Variants in TEX11 observed in about 807,000 individuals in gnomAD.
TEX11 encodes the protein testis expressed 11.
A neutral mutation model predicts 84.4 loss-of-function variants in TEX11; 7 were observed. The observed-to-expected ratio is 0.08, with a 90% confidence interval of 0.05 to 0.16. TEX11 has a LOEUF of 0.16. Among genes scored for constraint, TEX11 ranks in the 10% least tolerant of loss-of-function variants. The pLI is 1.00. For synonymous variants in TEX11, 264 were observed against 222.8 expected, an observed-to-expected ratio of 1.18 and a Z score of -1.64; for missense variants, 551 against 660.5, an observed-to-expected ratio of 0.83 and a Z score of 1.82.
the TEX11 span, among the ~76,000 whole-genome samples, chrX:70,511,555 C>T: frequency 9.4e-6 from 1 of 106,931 alleles, no homozygotes; most frequent in African/African-American, 3.5e-5. Flanking sequence ...AAGTTCGAGA[C>T]CAAATTGGCC....
intron 9 of TEX11, among the ~76,000 whole-genome samples, chrX:70,792,525 G>GA (rs1178905372): frequency 7.1e-5 from 7 of 98,290 alleles, no homozygotes; most frequent in Admixed American, 2.3e-4. Flanking sequence ...GCTAACAAAA[G>GA]AAAAAAAAAT....
intron 4 of TEX11, among the ~76,000 whole-genome samples, chrX:70,870,397 G>A (rs1044607776): frequency 2.7e-5 from 3 of 110,979 alleles, no homozygotes; most frequent in Admixed American, 9.6e-5. Flanking sequence ...GTGCAGTGGC[G>A]CAATCTCGGC....
chrX:70,884,883 C>T (rs1017780101), intron 2 of TEX11, among the ~76,000 whole-genome samples: 7 of 110,893 alleles, frequency 6.3e-5, no homozygotes, highest in African/African-American at 2.0e-4. Flanking sequence ...AGCTCCAGCT[C>T]TCTGCTTCCT....
At chrX:70,719,122 A>C (rs927545141) in intron 13 of TEX11, among the ~76,000 whole-genome samples, 13 of 112,187 alleles carry the variant, frequency 1.2e-4, no homozygotes, top group Admixed American at 2.8e-4. Context: ...CATCCAAAAA[A>C]AGCAATAATC....
At chrX:70,835,120 T>C (rs73213087) in intron 7 of TEX11, among the ~76,000 whole-genome samples, 7,733 of 111,249 alleles carry the variant, frequency 0.07, 223 homozygotes, top group East Asian at 0.12. Flanking sequence ...ATAATATTCC[T>C]GTCTACACTA....
At chrX:70,771,536 G>GA (rs947983107) in intron 9 of TEX11, among the ~76,000 whole-genome samples, 1 of 109,574 alleles carries the variant, frequency 9.1e-6, no homozygotes, top group Non-Finnish European at 1.9e-5. Flanking sequence ...AATCTATTTT[G>GA]AAAAAAACTT....
At chrX:70,903,427 A>C (rs2091813811) in intron 2 of TEX11, among the ~76,000 whole-genome samples, 2 of 110,960 alleles carry the variant, frequency 1.8e-5, no homozygotes, top group Non-Finnish European at 3.8e-5. Context: ...CAGCTCTGAC[A>C]TCACTAGGGG....
intron 20 of TEX11, among the ~76,000 whole-genome samples, chrX:70,614,141 CCTT>C (rs2089293106): frequency 9.0e-6 from 1 of 111,225 alleles, no homozygotes; most frequent in African/African-American, 3.3e-5. Context: ...GTGAGAGACT[CCTT>C]CTGCTTGAGA....
At chrX:70,676,802 A>T (rs1010906191) in intron 15 of TEX11, among the ~76,000 whole-genome samples, 1 of 111,814 alleles carries the variant, frequency 8.9e-6, no homozygotes, top group Non-Finnish European at 1.9e-5. Flanking sequence ...CATTTTCAAT[A>T]GCTTCTTTGC....
chrX:70,804,913 A>G lies in TEX11; in HGVS notation c.692+1792T>C, dbSNP rs148989700. Among the ~76,000 whole-genome samples the G allele has an allele frequency of 5.9e-3, 643 of 108,943 alleles. 3 individuals are homozygous for G. The highest frequency in any genetic ancestry group is 0.02 in the South Asian group (49 of 2,462). The allele number at this position is 108,943 out of a possible 115,157, so 94.6% of individuals were successfully genotyped here. A position where few individuals can be genotyped will look rare whatever the true frequency, so the allele number is the denominator to read the frequency against. ...CCTAACTCACCCTCATTCTTGGCAT[A>G]AACTCCAAGCTCACATCTAGTCTTA... On this transcript the variant is annotated intron_variant, in intron 9 of 29. Transcript: ENST00000374333.
chrX:70,679,749 G>A (rs1307671581), intron 14 of TEX11, among the ~76,000 whole-genome samples: 2 of 106,897 alleles, frequency 1.9e-5, no homozygotes, highest in African/African-American at 6.8e-5. Flanking sequence ...TCAGCCCCCC[G>A]CCCGGCCAGC....
chrX:70,644,243 A>G (rs1383297853), intron 17 of TEX11, among the ~76,000 whole-genome samples: 3 of 104,299 alleles, frequency 2.9e-5, no homozygotes, highest in Admixed American at 1.0e-4. Flanking sequence ...CACCAGTTAG[A>G]ATGGCAATCA....
At chrX:70,789,296 T>C (rs2091104413) in intron 9 of TEX11, among the ~76,000 whole-genome samples, 1 of 111,428 alleles carries the variant, frequency 9.0e-6, no homozygotes, top group Admixed American at 9.5e-5. Flanking sequence ...GAAGCTCAAA[T>C]TAAAACCACA....
At chrX:70,604,950 A>T (rs776862301) in intron 24 of TEX11, among the ~76,000 whole-genome samples, 1 of 111,416 alleles carries the variant, frequency 9.0e-6, no homozygotes, top group Admixed American at 9.6e-5. Context: ...TAAGTTAATG[A>T]GATATTTAAG....
At chrX:70,844,833 G>T (rs1328326479) in intron 7 of TEX11, among the ~76,000 whole-genome samples, 1 of 109,724 alleles carries the variant, frequency 9.1e-6, no homozygotes, top group African/African-American at 3.3e-5. Flanking sequence ...TACCTCCCAG[G>T]CTGAGGCATG....
intron 4 of TEX11, 126 bp from the exon 5 acceptor site, chrX:70,861,062 T>A: frequency 2.3e-5 from 1 of 43,071 alleles, no homozygotes; most frequent in Non-Finnish European, 6.4e-5. Context: ...TGTAAAGGCC[T>A]TTTTTTTTTT....
intron 25 of TEX11, among the ~76,000 whole-genome samples, chrX:70,558,090 T>C (rs1380095518): frequency 1.8e-5 from 2 of 111,160 alleles, no homozygotes. Flanking sequence ...GAGGTTGCAG[T>C]AAGCCGAGAT....
chrX:70,763,660 G>T (rs1184888053), intron 9 of TEX11, among the ~76,000 whole-genome samples: 2 of 110,308 alleles, frequency 1.8e-5, no homozygotes, highest in African/African-American at 6.6e-5. Context: ...CATGCCAATG[G>T]ACACCAAAAA....
At chrX:70,759,234 T>C (rs112279776) in intron 9 of TEX11, among the ~76,000 whole-genome samples, 9,088 of 110,984 alleles carry the variant, frequency 0.082, 347 homozygotes, top group African/African-American at 0.15. Flanking sequence ...TTCCAATCAA[T>C]AGAAAAAGAG....
Sources: gnomAD v4.1 joint callset for allele counts (sites outside exome capture counted in the v4.1 genomes callset) on GRCh38, gnomAD v4.1.1 for gene constraint, MANE v1.5 for transcripts, NCBI Gene and HGNC (gene_info 2026-07-23, HGNC 2026-07-21) for gene names.